Variants in ARHGAP44 observed in about 807,000 individuals in gnomAD.
ARHGAP44 encodes rho GTPase-activating protein 44.
In ARHGAP44, 43 loss-of-function variants were observed where a neutral mutation model predicts 106.8. The observed-to-expected ratio is 0.40, with a 90% CI of 0.32 to 0.52. ARHGAP44 has a LOEUF of 0.52. Among genes scored for constraint, ARHGAP44 ranks in the 20% least tolerant of loss-of-function variants. The probability of loss-of-function intolerance (pLI) is 0.48; values close to 1 mark genes in which losing one functional copy is unlikely to be tolerated. For synonymous variants in ARHGAP44, 439 were observed against 410.3 expected (o/e 1.07, Z -0.85); for missense variants, 866 against 1,050.5 (o/e 0.82, Z 2.43).
chr17:12,900,405 G>T (rs1389965392), intron 3 of ARHGAP44, among the ~76,000 whole-genome samples: 2 of 151,892 alleles, frequency 1.3e-5, no homozygotes, highest in Non-Finnish European at 2.9e-5. Context: ...GGGATTACAG[G>T]CGTGAGCCAC....
chr17:12,854,456 A>G (rs1010134010), intron 1 of ARHGAP44, among the ~76,000 whole-genome samples: 2 of 152,218 alleles, frequency 1.3e-5, no homozygotes, highest in Non-Finnish European at 2.9e-5. Flanking sequence ...GTTGATGGGT[A>G]CATCATTTAC....
At chr17:12,937,473 T>G (rs573276267) in intron 7 of ARHGAP44, among the ~76,000 whole-genome samples, 1 of 152,278 alleles carries the variant, frequency 6.6e-6, no homozygotes, top group Non-Finnish European at 1.5e-5. Context: ...ACAGTACTGG[T>G]TTTCCTGCCC....
chr17:12,911,402 G>A (rs1048031273), intron 4 of ARHGAP44, among the ~76,000 whole-genome samples: 2 of 152,034 alleles, frequency 1.3e-5, no homozygotes, highest in Non-Finnish European at 1.5e-5. Flanking sequence ...TTTGTGAGCT[G>A]TAAAGCATAT....
At chr17:12,916,511 A>C (rs1268174590) in intron 5 of ARHGAP44, among the ~76,000 whole-genome samples, 2 of 152,044 alleles carry the variant, frequency 1.3e-5, no homozygotes, top group Non-Finnish European at 2.9e-5. Flanking sequence ...AAGCCTCCCA[A>C]GTAGCTGGGA....
In ARHGAP44 at chr17:12,789,817, C is replaced by G; in HGVS notation, c.-22C>G. The G allele has an allele frequency of 6.7e-7, 1 of 1,500,472 alleles. No homozygotes were observed. Among genetic ancestry groups the G allele is most frequent in the African/African-American group, 1.5e-5 (1 of 68,814 alleles). 92.9% of individuals were successfully genotyped at this position (1,500,472 alleles called of 1,614,324 possible). ...GCTCCGTCCTTCCCCAGCTCCCGGG[C>G]TAGCGCGGCAGCGGGGCCACGATGA... On this transcript the variant is annotated 5_prime_UTR_variant, in exon 1 of 21. Transcript: ENST00000379672.
At chr17:12,962,225 G>A (rs911022044) in intron 16 of ARHGAP44, among the ~76,000 whole-genome samples, 1 of 152,266 alleles carries the variant, frequency 6.6e-6, no homozygotes, top group Middle Eastern at 3.4e-3. Flanking sequence ...GCTGATGGCT[G>A]TTATGTCCTA....
chr17:12,873,922 TAAATAAAC>T (rs869263255), intron 1 of ARHGAP44, among the ~76,000 whole-genome samples: 5,029 of 23,326 alleles, frequency 0.22, 287 homozygotes, highest in Admixed American at 0.24. Flanking sequence ...AATAAATAAA[TAAATAAAC>T]AAATAAATAA....
chr17:12,926,937 C>T (rs976151445), intron 6 of ARHGAP44, among the ~76,000 whole-genome samples: 3 of 152,110 alleles, frequency 2.0e-5, no homozygotes, highest in African/African-American at 7.2e-5. Context: ...CATGGCATCT[C>T]GTATTTTATT....
chr17:12,970,365 C>CAAAA (rs66577680), intron 16 of ARHGAP44, among the ~76,000 whole-genome samples: 14 of 55,184 alleles, frequency 2.5e-4, no homozygotes, highest in East Asian at 2.0e-3. Context: ...GACCCTGTCT[C>CAAAA]AAAAAAAAAA....
At chr17:12,968,547 C>T (rs554710382) in intron 16 of ARHGAP44, among the ~76,000 whole-genome samples, 40 of 150,998 alleles carry the variant, frequency 2.6e-4, no homozygotes, top group African/African-American at 9.4e-4. Flanking sequence ...GGTTTGCAGG[C>T]ATCCCCTCTT....
chr17:12,870,316 A>G (rs1178390101), intron 1 of ARHGAP44, among the ~76,000 whole-genome samples: 1 of 152,100 alleles, frequency 6.6e-6, no homozygotes, highest in East Asian at 1.9e-4. Flanking sequence ...CTGTGGGATT[A>G]CAGGTACAAG....
chr17:12,853,410 A>G (rs1421639933), intron 1 of ARHGAP44, among the ~76,000 whole-genome samples: 4 of 152,232 alleles, frequency 2.6e-5, no homozygotes, highest in Non-Finnish European at 4.4e-5. Context: ...CCTGATCTAC[A>G]GAAGGAGGTG....
chr17:12,904,989 C>T (rs563701725), intron 3 of ARHGAP44, among the ~76,000 whole-genome samples: 14 of 152,226 alleles, frequency 9.2e-5, no homozygotes, highest in African/African-American at 3.4e-4. Context: ...GCAACCTCTG[C>T]CTCCCAGGTT....
At chr17:12,880,964 TA>T (rs1186577290) in intron 1 of ARHGAP44, among the ~76,000 whole-genome samples, 1 of 152,216 alleles carries the variant, frequency 6.6e-6, no homozygotes. Flanking sequence ...TTTGTGGTTT[TA>T]ATTTGTATAT....
chr17:12,834,304 A>G (rs2035174142), intron 1 of ARHGAP44, among the ~76,000 whole-genome samples: 1 of 152,218 alleles, frequency 6.6e-6, no homozygotes. Context: ...TCTAACTGAC[A>G]ATATGCTCCT....
intron 3 of ARHGAP44, among the ~76,000 whole-genome samples, chr17:12,907,128 C>G (rs2037575107): frequency 2.6e-5 from 4 of 152,022 alleles, no homozygotes; most frequent in African/African-American, 9.7e-5. Flanking sequence ...CCAGGAGGCT[C>G]TGGGCTGGGT....
At chr17:12,861,720 C>T (rs555589106) in intron 1 of ARHGAP44, among the ~76,000 whole-genome samples, 6 of 144,410 alleles carry the variant, frequency 4.2e-5, no homozygotes, top group East Asian at 4.0e-4. Context: ...CTGCAACCTC[C>T]GCCTCCTGGG....
rs191800148 is a variant in ARHGAP44, at chr17:12,881,329, T to C, written c.54-13611T>C. On this transcript the variant is annotated intron_variant, in intron 1 of 20. Coordinates refer to ENST00000379672, the MANE Select transcript of ARHGAP44 (RefSeq NM_014859.6). ...ATTTAAGTCTTTAATTCATTGGTAT[T>C]TGACTTTTGTGTACCGTGTAGAGTA... Among the ~76,000 whole-genome samples, 16 of 152,274 alleles carry C rather than the reference T, an allele frequency of 1.1e-4. No homozygotes were observed. The East Asian group carries it at 3.1e-3, about 29-fold the overall frequency.
rs757585682 is a variant in ARHGAP44 at position 12,978,035 on chromosome 17, T to TAAAAAAAAAAAAA, written c.1764-2023_1764-2022insAAAAAAAAAAAAA. On this transcript the variant is annotated intron_variant, in intron 18 of 20. Transcript: ENST00000379672. ...CTGGGCAACAGAGCAAGACTCCATC[T>TAAAAAAAAAAAAA]CAAAAAAAAAAAAAAAAAAAAGTGT... Among the ~76,000 whole-genome samples, 152 of 55,504 alleles carry TAAAAAAAAAAAAA rather than the reference T, an allele frequency of 2.7e-3. 31 individuals are homozygous for TAAAAAAAAAAAAA. Among genetic ancestry groups the TAAAAAAAAAAAAA allele is most frequent in the Middle Eastern group, 0.011 (1 of 94 alleles). The allele number at this position is 55,504 out of a possible 152,430, so 36.4% of individuals were successfully genotyped here. A position where few individuals can be genotyped will look rare whatever the true frequency, so the allele number is the denominator to read the frequency against.
Sources: allele counts gnomAD v4.1 joint callset (sites outside exome capture counted in the v4.1 genomes callset), GRCh38; gene constraint gnomAD v4.1.1; transcripts MANE v1.5; gene names NCBI Gene and HGNC (gene_info 2026-07-23, HGNC 2026-07-21).